Variants in MFN1 observed in about 807,000 individuals in gnomAD.
MFN1 encodes the protein mitofusin 1.
Under a neutral mutation model 92.4 loss-of-function variants are expected in MFN1, and 65 were observed. The ratio of observed to expected loss-of-function variants is 0.70; its 90% CI spans 0.58 to 0.86. The LOEUF (loss-of-function observed/expected upper bound fraction) is 0.86, where lower values mean the gene tolerates loss of function less well. Ranked by LOEUF, MFN1 falls within the 40% of genes least tolerant of loss-of-function variation. The pLI, the probability that MFN1 is intolerant of heterozygous loss-of-function variation, is 0.00. For missense variants in MFN1, 781 were observed against 868.0 expected (o/e 0.90, Z 1.26); for synonymous variants, 297 against 300.9 (o/e 0.99, Z 0.13).
chr3:179,350,639 A>G (rs1263176442), intron 2 of MFN1, among the ~76,000 whole-genome samples: 1 of 152,222 alleles, frequency 6.6e-6, no homozygotes, highest in Non-Finnish European at 1.5e-5. Context: ...AAATCAAGAA[A>G]AACATACAAG....
At chr3:179,390,268 T>C in intron 17 of MFN1, 130 bp downstream of exon 17, 1 of 820,184 alleles carries the variant, frequency 1.2e-6, no homozygotes, top group Non-Finnish European at 1.7e-6. Flanking sequence ...TCTTCCATAT[T>C]TAATTCCATG....
At chr3:179,378,212 C>G in intron 12 of MFN1, 129 bp from the exon 13 acceptor site, 3 of 684,372 alleles carry the variant, frequency 4.4e-6, no homozygotes, top group South Asian at 3.6e-5. Flanking sequence ...AAGCAAGACC[C>G]TGTCTCAAAA....
At chr3:179,382,498 T>G (rs1178655771) in intron 14 of MFN1, among the ~76,000 whole-genome samples, 1 of 152,242 alleles carries the variant, frequency 6.6e-6, no homozygotes, top group African/African-American at 2.4e-5. Flanking sequence ...TGGTTCCAAG[T>G]CTTTGCTATT....
chr3:179,385,793 A>G, intron 15 of MFN1, 72 bp downstream of exon 15: 1 of 1,421,846 alleles, frequency 7.0e-7, no homozygotes. Flanking sequence ...CACAAAAGAA[A>G]AGGTATACAG....
intron 4 of MFN1, chr3:179,359,899 C>T (rs1343653092): frequency 6.6e-6 from 1 of 152,018 alleles, no homozygotes; most frequent in Non-Finnish European, 1.5e-5. Flanking sequence ...TCTACCCTTC[C>T]AGTGAGACTA....
At position 179,392,462 on chromosome 3, in the gene MFN1, T is replaced by C. The variant is rs1418990409; in HGVS notation, c.*403T>C. ...TGCTTTCTTTCATGGGAATAGTCACTTTTTTATTTAGTAAATCGCATTGCT... is the reference window on the plus strand; with the variant it reads ...TGCTTTCTTTCATGGGAATAGTCACCTTTTTATTTAGTAAATCGCATTGCT... On this transcript the variant is annotated 3_prime_UTR_variant, in exon 18 of 18. Transcript: ENST00000471841. The C allele has an allele frequency of 6.4e-6, 1 of 155,352 alleles. No individual in the cohort carries two copies. Among genetic ancestry groups the C allele is most frequent in the Non-Finnish European group, 1.4e-5 (1 of 70,326 alleles). The allele number at this position is 155,352 out of a possible 1,614,324, so 9.6% of individuals were successfully genotyped here.
chr3:179,349,690 A>G (rs1261944393), intron 2 of MFN1, among the ~76,000 whole-genome samples: 3 of 151,874 alleles, frequency 2.0e-5, no homozygotes, highest in African/African-American at 7.3e-5. Flanking sequence ...TTGTGTTTTT[A>G]GTAGAGACAG....
chr3:179,351,065 A>G (rs1219869743), intron 2 of MFN1, among the ~76,000 whole-genome samples: 1 of 152,184 alleles, frequency 6.6e-6, no homozygotes, highest in Admixed American at 6.5e-5. Context: ...TCGGCCTCCC[A>G]AAGTGCTAGG....
At chr3:179,364,710 A>G (rs1365462720) in intron 6 of MFN1, among the ~76,000 whole-genome samples, 1 of 152,212 alleles carries the variant, frequency 6.6e-6, no homozygotes, top group Non-Finnish European at 1.5e-5. Context: ...TGAATAAAGT[A>G]TAAACCACTC....
chr3:179,375,446 A>G (rs1713203560), intron 10 of MFN1, 105 bp downstream of exon 10: 3 of 1,398,908 alleles, frequency 2.1e-6, no homozygotes, highest in Non-Finnish European at 3.0e-6. Context: ...TTACACTGAA[A>G]TCAACCTTGT....
Position 179,375,888 on chromosome 3 carries a change from G to A in MFN1, c.1097+547G>A, listed in dbSNP as rs1456819172. On this transcript the variant is annotated intron_variant, in intron 10 of 17. Transcript: ENST00000471841. ...ATACTATTTGTTACCTTGTAAAGGT[G>A]GCAATGAATACATGAAAATACCAGC... Among the ~76,000 whole-genome samples the A allele has an allele frequency of 2.0e-5, 3 of 152,116 alleles. No individual in the cohort carries two copies. The East Asian group carries it at 5.8e-4, about 29-fold the overall frequency.
At chr3:179,356,369 G>C (rs1486091856) in intron 3 of MFN1, among the ~76,000 whole-genome samples, 1 of 152,210 alleles carries the variant, frequency 6.6e-6, no homozygotes, top group Non-Finnish European at 1.5e-5. Context: ...CATGCTGAGA[G>C]GGCATGAATG....
chr3:179,370,392 C>CTTTTTTTTTTTTTTTTT (rs34938438), intron 9 of MFN1, among the ~76,000 whole-genome samples: 5 of 88,078 alleles, frequency 5.7e-5, no homozygotes, highest in Admixed American at 1.6e-4. Flanking sequence ...TCACTAAGTT[C>CTTTTTTTTTTTTTTTTT]TTTTTTTTTT....
intron 14 of MFN1, 56 bp from the exon 15 acceptor site, chr3:179,385,513 A>G (rs1713645063): frequency 2.0e-6 from 3 of 1,483,528 alleles, no homozygotes; most frequent in African/African-American, 2.9e-5. Flanking sequence ...TTTTATAAAG[A>G]TAACTTTATA....
chr3:179,365,096 T>C, intron 6 of MFN1, 22 bp from the exon 7 acceptor site: 5 of 1,315,488 alleles, frequency 3.8e-6, no homozygotes, highest in Non-Finnish European at 5.2e-6. Context: ...GAATGTACTG[T>C]GGGGTTTTTT....
chr3:179,379,161 A>T (rs1485343166), intron 14 of MFN1, among the ~76,000 whole-genome samples: 1 of 152,112 alleles, frequency 6.6e-6, no homozygotes, highest in African/African-American at 2.4e-5. Context: ...TTTTCCACGT[A>T]TGCCCAAATT....
chr3:179,383,141 C>T (rs13096728), intron 14 of MFN1, among the ~76,000 whole-genome samples: 27,644 of 152,162 alleles, frequency 0.18, 3,209 homozygotes, highest in Admixed American at 0.24. Flanking sequence ...GAAGTCCTTG[C>T]CCATGCCTGT....
At chr3:179,383,910 T>C (rs1470904274) in intron 14 of MFN1, among the ~76,000 whole-genome samples, 2 of 152,154 alleles carry the variant, frequency 1.3e-5, no homozygotes, top group African/African-American at 4.8e-5. Context: ...ATTTGTGAAA[T>C]TGTAAAACCA....
intron 3 of MFN1, among the ~76,000 whole-genome samples, chr3:179,354,343 G>A (rs1056277320): frequency 3.3e-5 from 5 of 152,240 alleles, no homozygotes; most frequent in African/African-American, 1.2e-4. Context: ...AAGAGACTTT[G>A]TAAGCAAAAG....
Sources: gnomAD v4.1 joint callset for allele counts (sites outside exome capture counted in the v4.1 genomes callset) on GRCh38, gnomAD v4.1.1 for gene constraint, MANE v1.5 for transcripts, NCBI Gene and HGNC (gene_info 2026-07-23, HGNC 2026-07-21) for gene names.